CNTNAP2: variants seen among roughly 807,000 people sequenced by gnomAD.
The protein encoded by CNTNAP2 is contactin associated protein 2.
A neutral mutation model predicts 155.2 loss-of-function variants in CNTNAP2; 98 were observed. The ratio of observed to expected loss-of-function variants is 0.63; its 90% confidence interval spans 0.54 to 0.75. The LOEUF is 0.75. Among genes scored for constraint, CNTNAP2 ranks in the 30% least tolerant of loss-of-function variants. The pLI, the probability that CNTNAP2 is intolerant of heterozygous loss-of-function variation, is 0.00. For missense variants in CNTNAP2, 1,727 were observed against 1,688.1 expected (o/e 1.02, Z -0.40); for synonymous variants, 651 against 631.2 (o/e 1.03, Z -0.47).
chr7:148,088,357 C>T (rs991872304), intron 15 of CNTNAP2, among the ~76,000 whole-genome samples: 15 of 150,442 alleles, frequency 1.0e-4, no homozygotes, highest in Non-Finnish European at 2.1e-4. Context: ...AACTTAAAAA[C>T]AGAAAAGATC....
At chr7:147,234,419 G>GCTCC (rs1239649822) in intron 8 of CNTNAP2, among the ~76,000 whole-genome samples, 1 of 139,280 alleles carries the variant, frequency 7.2e-6, no homozygotes, top group African/African-American at 2.7e-5. Context: ...CTCACTGCAA[G>GCTCC]CTCCGCCTCC....
At chr7:146,251,679 C>G (rs751577203) in intron 1 of CNTNAP2, among the ~76,000 whole-genome samples, 1 of 152,206 alleles carries the variant, frequency 6.6e-6, no homozygotes, top group East Asian at 1.9e-4. Flanking sequence ...TGAAGTAACT[C>G]ACAATTTAGG....
At chr7:146,805,902 T>A (rs961683150) in intron 2 of CNTNAP2, among the ~76,000 whole-genome samples, 1 of 152,216 alleles carries the variant, frequency 6.6e-6, no homozygotes, top group Non-Finnish European at 1.5e-5. Flanking sequence ...CAATTTTTTT[T>A]AAAGAAACCA....
chr7:148,073,810 T>C (rs1477234008), intron 15 of CNTNAP2, among the ~76,000 whole-genome samples: 1 of 152,028 alleles, frequency 6.6e-6, no homozygotes, highest in Admixed American at 6.6e-5. Context: ...TCCATATCAA[T>C]GGGTTCTGAA....
chr7:148,371,268 C>T (rs1798882505), intron 21 of CNTNAP2, among the ~76,000 whole-genome samples: 1 of 152,130 alleles, frequency 6.6e-6, no homozygotes, highest in Non-Finnish European at 1.5e-5. Context: ...GGAGAGGAGG[C>T]TACGTGCAGT....
At chr7:147,857,913 T>G (rs910488922) in intron 13 of CNTNAP2, among the ~76,000 whole-genome samples, 1 of 152,160 alleles carries the variant, frequency 6.6e-6, no homozygotes, top group Non-Finnish European at 1.5e-5. Flanking sequence ...AGCAAGAACA[T>G]GGACAATATC....
intron 1 of CNTNAP2, among the ~76,000 whole-genome samples, chr7:146,392,940 A>G (rs575356432): frequency 1.3e-5 from 2 of 152,298 alleles, no homozygotes; most frequent in Non-Finnish European, 2.9e-5. Context: ...TTTGAGATTT[A>G]GTTAAAGAAA....
At chr7:147,047,053 G>A (rs1367883086) in intron 4 of CNTNAP2, among the ~76,000 whole-genome samples, 1 of 141,378 alleles carries the variant, frequency 7.1e-6, no homozygotes. Context: ...AAAAAAAAGT[G>A]TAGCCATTCT....
In CNTNAP2 at chr7:147,337,270, A is replaced by T. The variant is rs190002948; in HGVS notation, c.1498+36980A>T. On this transcript the variant is annotated intron_variant, in intron 9 of 23. Transcript: ENST00000361727. Reference sequence around the variant, plus strand: ...AACTGCCAAGGGCAGATGAAGTCTCATCTGTGCATATTCTGTGTTGCACTG... The same window carrying T: ...AACTGCCAAGGGCAGATGAAGTCTCTTCTGTGCATATTCTGTGTTGCACTG... Among the ~76,000 whole-genome samples, 3 of 152,178 alleles carry T rather than the reference A, an allele frequency of 2.0e-5. No homozygotes were observed. The East Asian group carries it at 5.8e-4, about 30-fold the overall frequency.
At chr7:147,093,010 C>G (rs1800443344) in intron 4 of CNTNAP2, among the ~76,000 whole-genome samples, 1 of 151,842 alleles carries the variant, frequency 6.6e-6, no homozygotes. Flanking sequence ...ATCACGACGT[C>G]AGGAGATCGA....
chr7:148,000,281 G>A (rs1383984778), intron 15 of CNTNAP2, among the ~76,000 whole-genome samples: 2 of 152,162 alleles, frequency 1.3e-5, no homozygotes, highest in Non-Finnish European at 2.9e-5. Context: ...TGATGGGCAT[G>A]GCTACCTATG....
intron 3 of CNTNAP2, among the ~76,000 whole-genome samples, chr7:146,917,695 G>A (rs1585156800): frequency 6.6e-6 from 1 of 152,094 alleles, no homozygotes; most frequent in South Asian, 2.1e-4. Flanking sequence ...GGTCTTTCCT[G>A]TGCTATACCC....
chr7:148,084,349 T>C (rs1803674970), intron 15 of CNTNAP2, among the ~76,000 whole-genome samples: 1 of 152,172 alleles, frequency 6.6e-6, no homozygotes, highest in African/African-American at 2.4e-5. Context: ...AAAGAGCAGA[T>C]CTTTCTATTA....
chr7:148,192,150 G>A (rs377463276), intron 18 of CNTNAP2, among the ~76,000 whole-genome samples: 13 of 152,234 alleles, frequency 8.5e-5, no homozygotes, highest in Admixed American at 1.3e-4. Context: ...AATTTATGGC[G>A]TACAAGGGTA....
intron 2 of CNTNAP2, among the ~76,000 whole-genome samples, chr7:146,827,154 T>C (rs1005611217): frequency 3.3e-5 from 5 of 152,078 alleles, no homozygotes; most frequent in African/African-American, 1.2e-4. Context: ...TTTTTTACTT[T>C]ATTCTTATAT....
At chr7:146,895,847 C>T (rs1035253925) in intron 3 of CNTNAP2, among the ~76,000 whole-genome samples, 3 of 152,032 alleles carry the variant, frequency 2.0e-5, no homozygotes, top group South Asian at 2.1e-4. Context: ...CAGTCCCCGA[C>T]GGCATAAATT....
At chr7:146,379,005 C>A (rs1795343690) in intron 1 of CNTNAP2, among the ~76,000 whole-genome samples, 1 of 152,192 alleles carries the variant, frequency 6.6e-6, no homozygotes, top group African/African-American at 2.4e-5. Flanking sequence ...AGACATGAGC[C>A]CTGCTCTTCG....
At chr7:148,154,291 A>G (rs1393182364) in intron 17 of CNTNAP2, among the ~76,000 whole-genome samples, 1 of 152,216 alleles carries the variant, frequency 6.6e-6, no homozygotes, top group Non-Finnish European at 1.5e-5. Flanking sequence ...CAGTTTGTCT[A>G]TCAGGAGACT....
At position 147,460,233 on chromosome 7, in the gene CNTNAP2, C is replaced by T. The variant is rs542031905; in HGVS notation, c.1671-25702C>T. Among the ~76,000 whole-genome samples the T allele has an allele frequency of 6.6e-5, 10 of 152,146 alleles. No individual in the cohort carries two copies. The East Asian group carries it at 9.7e-4, about 15-fold the overall frequency. ...CCAAAAGAAAATGTATACGCAGACTCGTATTGCTGGAGTCCATTATGCCTT... is the reference window on the plus strand; with the variant it reads ...CCAAAAGAAAATGTATACGCAGACTTGTATTGCTGGAGTCCATTATGCCTT... On this transcript the variant is annotated intron_variant, in intron 10 of 23. Coordinates refer to ENST00000361727, the MANE Select transcript of CNTNAP2 (RefSeq NM_014141.6).
Sources: allele counts gnomAD v4.1 joint callset (sites outside exome capture counted in the v4.1 genomes callset), GRCh38; gene constraint gnomAD v4.1.1; transcripts MANE v1.5; gene names NCBI Gene and HGNC (gene_info 2026-07-23, HGNC 2026-07-21).